Variants in MNAT1 observed in about 807,000 individuals in gnomAD.
MNAT1 encodes MNAT1 component of CDK activating kinase, also known as CDK-activating kinase assembly factor MAT1.
MNAT1 carries 43 observed loss-of-function variants against 42.0 expected under a neutral mutation model. That is an observed-to-expected ratio of 1.02 (90% CI 0.80 to 1.32). MNAT1 has a LOEUF of 1.32. MNAT1 is among the 40% of genes most tolerant of loss of function. The probability of loss-of-function intolerance (pLI) is 0.00; values close to 1 mark genes in which losing one functional copy is unlikely to be tolerated. For missense variants in MNAT1, 306 were observed against 350.4 expected (o/e 0.87, Z 1.01); for synonymous variants, 118 against 120.0 (o/e 0.98, Z 0.11).
chr14:60,942,623 C>G (rs998907729), intron 7 of MNAT1, among the ~76,000 whole-genome samples: 5 of 151,970 alleles, frequency 3.3e-5, no homozygotes, highest in Non-Finnish European at 7.4e-5. Flanking sequence ...TGATTTAGCG[C>G]CCTTCTTTTG....
rs2036730162 is a variant in MNAT1, at chr14:60,968,807, A to C, written c.*458A>C. The stretch of plus-strand genomic sequence containing the variant: ...CTCATAAAATGTTCCCCTTTTTCCT[A>C]ATGTCTTGTTAATACTAGTCCAGAC... On this transcript the variant is annotated 3_prime_UTR_variant, in exon 8 of 8. Coordinates refer to ENST00000261245, the MANE Select transcript of MNAT1 (RefSeq NM_002431.4). 1 of 271,360 alleles carries C rather than the reference A, an allele frequency of 3.7e-6. No homozygotes were observed. The highest frequency in any genetic ancestry group is 2.3e-5 in the African/African-American group (1 of 42,908). The allele number at this position is 271,360 out of a possible 1,614,324, so 16.8% of individuals were successfully genotyped here. A position where few individuals can be genotyped will look rare whatever the true frequency, so the allele number is the denominator to read the frequency against.
At chr14:60,846,701 G>C (rs2033691654) in intron 6 of MNAT1, among the ~76,000 whole-genome samples, 1 of 152,042 alleles carries the variant, frequency 6.6e-6, no homozygotes, top group Admixed American at 6.5e-5. Flanking sequence ...TTCCACTTTG[G>C]TTTGAGGGCA....
intron 7 of MNAT1, among the ~76,000 whole-genome samples, chr14:60,947,489 C>T (rs2036303159): frequency 6.6e-6 from 1 of 152,098 alleles, no homozygotes; most frequent in African/African-American, 2.4e-5. Context: ...TCGAGACAAG[C>T]CTGGCCAACA....
intron 7 of MNAT1, among the ~76,000 whole-genome samples, chr14:60,913,078 A>G (rs1457877590): frequency 1.3e-5 from 2 of 151,822 alleles, no homozygotes; most frequent in Non-Finnish European, 2.9e-5. Flanking sequence ...CATTCATTTC[A>G]TCTTCCACCG....
At chr14:60,739,327 C>G (rs1896398278) in intron 1 of MNAT1, among the ~76,000 whole-genome samples, 2 of 151,842 alleles carry the variant, frequency 1.3e-5, no homozygotes, top group African/African-American at 4.8e-5. Flanking sequence ...GTGTGAATAC[C>G]AAGAGTGTGA....
intron 7 of MNAT1, among the ~76,000 whole-genome samples, chr14:60,898,140 TGC>T (rs761629129): frequency 0.16 from 1,651 of 10,010 alleles, 20 homozygotes; most frequent in Non-Finnish European, 0.28. Context: ...TGTGTGTGTG[TGC>T]GCGCGCCACA....
chr14:60,793,166 G>A (rs1197990436), intron 1 of MNAT1, among the ~76,000 whole-genome samples: 1 of 151,248 alleles, frequency 6.6e-6, no homozygotes, highest in Non-Finnish European at 1.5e-5. Flanking sequence ...ACCATGCCCG[G>A]CTAATTTGTT....
chr14:60,778,057 A>G (rs768210791), intron 1 of MNAT1, among the ~76,000 whole-genome samples: 7 of 152,140 alleles, frequency 4.6e-5, no homozygotes, highest in Non-Finnish European at 8.8e-5. Flanking sequence ...GTTTGTTTTG[A>G]TTCTTTTAAG....
chr14:60,844,498 A>G (rs916118240), intron 6 of MNAT1, among the ~76,000 whole-genome samples: 1 of 152,100 alleles, frequency 6.6e-6, no homozygotes, highest in South Asian at 2.1e-4. Context: ...AGTTATTTCA[A>G]ATCTCATTTT....
Position 60,968,642 on chromosome 14 carries a change from T to C in MNAT1, c.*293T>C. On this transcript the variant is annotated 3_prime_UTR_variant, in exon 8 of 8. Coordinates refer to ENST00000261245, the MANE Select transcript of MNAT1 (RefSeq NM_002431.4). ...TGTGTTTGAGGTTGTGACAGACTTA[T>C]AAAATCTTTTTAAAAAATAAAGCTA... is the stretch of plus-strand genomic sequence containing the variant. 1.5e-6 allele frequency: 1 copy of C among 674,362 alleles called. No homozygotes were observed. 41.8% of individuals were successfully genotyped at this position (674,362 alleles called of 1,614,324 possible). A position where few individuals can be genotyped will look rare whatever the true frequency, so the allele number is the denominator to read the frequency against.
chr14:60,818,663 CTTG>C lies in MNAT1; in HGVS notation c.562-53_562-51del. ...AAAAGACATAATTTAAAATAAAAGTCTTGTTGTTTTTAGTTTTCCCTTTTTACA... is the reference window on the plus strand; with the variant it reads ...AAAAGACATAATTTAAAATAAAAGTCTTGTTTTTAGTTTTCCCTTTTTACA... On this transcript the variant is annotated intron_variant, in intron 5 of 7. Coordinates refer to ENST00000261245, the MANE Select transcript of MNAT1 (RefSeq NM_002431.4). 3 of 1,415,242 alleles carry C rather than the reference CTTG, an allele frequency of 2.1e-6. No individual in the cohort carries two copies. The African/African-American group carries it at 4.3e-5, about 20-fold the overall frequency. 87.7% of individuals were successfully genotyped at this position (1,415,242 alleles called of 1,614,324 possible).
chr14:60,857,382 GC>G (rs1410491517), intron 6 of MNAT1, among the ~76,000 whole-genome samples: 3 of 152,180 alleles, frequency 2.0e-5, no homozygotes, highest in Non-Finnish European at 1.5e-5. Flanking sequence ...TAGCAGTAGA[GC>G]CTGATGGTGT....
intron 7 of MNAT1, among the ~76,000 whole-genome samples, chr14:60,890,368 T>C (rs1343860991): frequency 3.3e-5 from 5 of 152,228 alleles, no homozygotes; most frequent in African/African-American, 1.2e-4. Flanking sequence ...TACTGGCTTT[T>C]AGTTTTCTTG....
At chr14:60,890,458 T>C (rs532436514) in intron 7 of MNAT1, among the ~76,000 whole-genome samples, 12 of 152,264 alleles carry the variant, frequency 7.9e-5, no homozygotes, top group African/African-American at 2.4e-4. Context: ...GATGTATATA[T>C]GAAGGGGAGT....
At chr14:60,909,083 G>A (rs1025380481) in intron 7 of MNAT1, among the ~76,000 whole-genome samples, 9 of 152,200 alleles carry the variant, frequency 5.9e-5, no homozygotes, top group African/African-American at 1.4e-4. Flanking sequence ...GTGATGATTA[G>A]AATTTTTTCA....
chr14:60,915,954 G>A (rs1015900293), intron 7 of MNAT1, among the ~76,000 whole-genome samples: 2 of 152,186 alleles, frequency 1.3e-5, no homozygotes, highest in South Asian at 4.1e-4. Context: ...GAGCGGGAGA[G>A]GAGTTGCAAG....
At chr14:60,904,494 G>A (rs1432301892) in intron 7 of MNAT1, among the ~76,000 whole-genome samples, 2 of 151,976 alleles carry the variant, frequency 1.3e-5, no homozygotes, top group African/African-American at 2.4e-5. Flanking sequence ...TCTTTTTTAT[G>A]CAGTTATGGA....
At chr14:60,964,262 C>T (rs1462757763) in intron 7 of MNAT1, among the ~76,000 whole-genome samples, 7 of 152,204 alleles carry the variant, frequency 4.6e-5, no homozygotes, top group African/African-American at 9.6e-5. Context: ...TCGTATCTTA[C>T]GCCCTTCTCA....
chr14:60,858,868 C>A lies in MNAT1; in HGVS notation c.688-20846C>A, dbSNP rs141135710. 2.0e-5 allele frequency among the ~76,000 whole-genome samples: 3 copies of A among 152,274 alleles called. No individual in the cohort carries two copies. In the East Asian group the frequency reaches 5.8e-4, roughly 29 times the overall value. ...TGTGCACTGTGTTTTAGACATAATG[C>A]TATTGCACACTTACTAGACTATAGT... On this transcript the variant is annotated intron_variant, in intron 6 of 7. Coordinates refer to ENST00000261245, the MANE Select transcript of MNAT1 (RefSeq NM_002431.4).
Sources: allele counts gnomAD v4.1 joint callset (sites outside exome capture counted in the v4.1 genomes callset), GRCh38; gene constraint gnomAD v4.1.1; transcripts MANE v1.5; gene names NCBI Gene and HGNC (gene_info 2026-07-23, HGNC 2026-07-21).